Variants in CRTAC1 observed in about 807,000 individuals in gnomAD.
CRTAC1 encodes the protein acidic secreted protein in cartilage.
Under a neutral mutation model 67.8 loss-of-function variants are expected in CRTAC1, and 37 were observed. The ratio of observed to expected loss-of-function variants is 0.55; its 90% confidence interval spans 0.42 to 0.72. The LOEUF (loss-of-function observed/expected upper bound fraction) is 0.72, where lower values mean the gene tolerates loss of function less well. Ranked by LOEUF, CRTAC1 falls within the 30% of genes least tolerant of loss-of-function variation. The pLI is 0.00. For synonymous variants in CRTAC1, 348 were observed against 371.0 expected (o/e 0.94, Z 0.71); for missense variants, 780 against 931.6 (o/e 0.84, Z 2.12).
At chr10:97,925,002 C>T (rs571405713) in intron 3 of CRTAC1, among the ~76,000 whole-genome samples, 58 of 152,198 alleles carry the variant, frequency 3.8e-4, no homozygotes, top group African/African-American at 1.4e-3. Flanking sequence ...CACAGTGGCT[C>T]ATGCCAGTAA....
chr10:97,898,057 C>T lies in CRTAC1; in HGVS notation c.1134-1066G>A, dbSNP rs562664823. Among the ~76,000 whole-genome samples, 14 of 152,302 alleles carry T rather than the reference C, an allele frequency of 9.2e-5. No homozygotes were observed. In the South Asian group the frequency reaches 2.9e-3, roughly 32 times the overall value. On this transcript the variant is annotated intron_variant, in intron 8 of 14. Coordinates refer to ENST00000370597, the MANE Select transcript of CRTAC1 (RefSeq NM_018058.7). ...GTGTGATGCCCACAGTCCCTTTGAC[C>T]ATATGTGTCCTGCAGATTCTGCCAC...
intron 2 of CRTAC1, among the ~76,000 whole-genome samples, chr10:97,963,232 A>C (rs111686884): frequency 2.0e-5 from 3 of 152,022 alleles, no homozygotes; most frequent in Admixed American, 6.5e-5. Flanking sequence ...TGCTTGTGTC[A>C]TCTTTGTTTT....
chr10:97,907,177 T>C (rs1158379486), intron 6 of CRTAC1, among the ~76,000 whole-genome samples: 1 of 152,190 alleles, frequency 6.6e-6, no homozygotes. Context: ...GACCCGGTCC[T>C]TGTAAAGCTC....
At chr10:97,963,501 G>T (rs1311383576) in intron 2 of CRTAC1, among the ~76,000 whole-genome samples, 1 of 152,204 alleles carries the variant, frequency 6.6e-6, no homozygotes, top group Non-Finnish European at 1.5e-5. Context: ...TGCCTCCAGA[G>T]CCAACCTTCT....
intron 6 of CRTAC1, 136 bp from the exon 7 acceptor site, chr10:97,904,950 T>C (rs1408896180): frequency 9.7e-7 from 1 of 1,031,250 alleles, no homozygotes; most frequent in Non-Finnish European, 1.3e-6. Flanking sequence ...ACGGGAGACA[T>C]AGCTGCAGTC....
intron 2 of CRTAC1, among the ~76,000 whole-genome samples, chr10:98,006,796 A>C (rs1842799430): frequency 6.6e-6 from 1 of 152,228 alleles, no homozygotes; most frequent in African/African-American, 2.4e-5. Context: ...GGGGACAGGT[A>C]ATGGAAAGGT....
chr10:97,997,951 G>A (rs1376993523), intron 2 of CRTAC1, among the ~76,000 whole-genome samples: 1 of 152,132 alleles, frequency 6.6e-6, no homozygotes, highest in Non-Finnish European at 1.5e-5. Context: ...CAAAAGGAGA[G>A]AGCAGAGAGA....
intron 5 of CRTAC1, among the ~76,000 whole-genome samples, chr10:97,909,100 G>T (rs185043199): frequency 6.6e-6 from 1 of 152,182 alleles, no homozygotes; most frequent in East Asian, 1.9e-4. Flanking sequence ...TTTTTAAAAC[G>T]GAAAGAAATC....
intron 3 of CRTAC1, among the ~76,000 whole-genome samples, chr10:97,928,548 A>C (rs1324790196): frequency 1.3e-5 from 2 of 152,200 alleles, no homozygotes; most frequent in South Asian, 2.1e-4. Context: ...TTACGTATGA[A>C]GCGCCTGGGG....
intron 5 of CRTAC1, among the ~76,000 whole-genome samples, chr10:97,910,816 T>C (rs946317554): frequency 1.3e-5 from 2 of 152,148 alleles, no homozygotes; most frequent in Non-Finnish European, 2.9e-5. Flanking sequence ...CTGCCACTCT[T>C]ATTGCGCTCA....
At chr10:97,883,392 G>A (rs1047638526) in intron 12 of CRTAC1, among the ~76,000 whole-genome samples, 1 of 152,234 alleles carries the variant, frequency 6.6e-6, no homozygotes, top group Non-Finnish European at 1.5e-5. Context: ...AGGCTGTGGA[G>A]GCTCTACCAT....
chr10:97,895,093 C>T lies in CRTAC1; in HGVS notation c.1486+152G>A. ...ACTCGCCTCTTCTTGAGCTCAGGCT[C>T]ATCTCAGAGTAGGGTTTGTCCCCAG... On this transcript the variant is annotated intron_variant, in intron 11 of 14. Coordinates refer to ENST00000370597, the MANE Select transcript of CRTAC1 (RefSeq NM_018058.7). The surrounding 1 kb of genome is among the most constrained non-coding windows in gnomAD (Gnocchi z 4.2). 1.4e-6 allele frequency: 1 copy of T among 725,176 alleles called. No individual in the cohort carries two copies. Among genetic ancestry groups the T allele is most frequent in the Non-Finnish European group, 2.2e-6 (1 of 459,272 alleles). The allele number at this position is 725,176 out of a possible 1,614,324, so 44.9% of individuals were successfully genotyped here.
At chr10:97,925,159 T>C (rs2050894491) in intron 3 of CRTAC1, among the ~76,000 whole-genome samples, 1 of 152,142 alleles carries the variant, frequency 6.6e-6, no homozygotes, top group African/African-American at 2.4e-5. Flanking sequence ...TAGTCCCAGC[T>C]ACTCAGGAGG....
intron 2 of CRTAC1, among the ~76,000 whole-genome samples, chr10:98,007,992 A>G (rs1564933028): frequency 6.6e-6 from 1 of 152,196 alleles, no homozygotes; most frequent in African/African-American, 2.4e-5. Context: ...CTGGCAGGAT[A>G]AAGACCTGCA....
chr10:97,959,669 C>T (rs1021915582), intron 2 of CRTAC1, among the ~76,000 whole-genome samples: 2 of 152,188 alleles, frequency 1.3e-5, no homozygotes, highest in Non-Finnish European at 2.9e-5. Flanking sequence ...TTATGCTGTC[C>T]AACTCACCGC....
intron 1 of CRTAC1, among the ~76,000 whole-genome samples, chr10:98,015,332 G>T (rs186120768): frequency 2.0e-5 from 3 of 152,296 alleles, no homozygotes; most frequent in Admixed American, 2.0e-4. Flanking sequence ...AATGGTGGTT[G>T]CCAGGGGCTG....
At chr10:97,927,524 T>G (rs760404289) in intron 3 of CRTAC1, among the ~76,000 whole-genome samples, 5 of 152,232 alleles carry the variant, frequency 3.3e-5, no homozygotes, top group Non-Finnish European at 7.3e-5. Flanking sequence ...GCTGCTGATG[T>G]CTGGTCAGGC....
intron 2 of CRTAC1, among the ~76,000 whole-genome samples, chr10:97,979,674 C>A (rs1325868266): frequency 6.6e-6 from 1 of 152,178 alleles, no homozygotes; most frequent in Admixed American, 6.5e-5. Context: ...TGGTTCTCAG[C>A]CCTGGCTGCA....
At position 97,936,290 on chromosome 10, in the gene CRTAC1, T is replaced by C; in HGVS notation, c.301A>G (p.Ser101Gly). 3 of 1,613,998 alleles carry C rather than the reference T, an allele frequency of 1.9e-6. No individual in the cohort carries two copies. Among genetic ancestry groups the C allele is most frequent in the Non-Finnish European group, 8.5e-7 (1 of 1,179,850 alleles). ...RLVNIAVDER[S>G]SPYYALRDRQ... ...TCCCGCAGCGCGTAGTAGGGTGAGC[T>C]GCGCTCATCGACCGCGATGTTCACC... The change falls in exon 3 of 15, where the codon AGC (serine) becomes GGC (glycine). Residue 101 changes from serine (S) to glycine (G), a missense_variant. By Grantham distance (56) the Ser-to-Gly change is moderately conservative. Coordinates refer to ENST00000370597, the MANE Select transcript of CRTAC1 (RefSeq NM_018058.7).
Sources: gnomAD v4.1 joint callset for allele counts (sites outside exome capture counted in the v4.1 genomes callset) on GRCh38, gnomAD v4.1.1 for gene constraint, Gnocchi (gnomAD v3.1) non-coding constraint, MANE v1.5 for transcripts, NCBI Gene and HGNC (gene_info 2026-07-23, HGNC 2026-07-21) for gene names.